The following HAPLN1 variants were observed in gnomAD, a reference collection of about 807,000 sequenced individuals.
The protein encoded by HAPLN1 is Cartilage link protein.
A neutral mutation model predicts 36.5 loss-of-function variants in HAPLN1; 13 were observed. The observed-to-expected ratio is 0.36, with a 90% CI of 0.23 to 0.57. The LOEUF (loss-of-function observed/expected upper bound fraction) is 0.57. Among genes scored for constraint, HAPLN1 ranks in the 20% least tolerant of loss-of-function variants. The probability of loss-of-function intolerance (pLI) is 0.83; values close to 1 mark genes in which losing one functional copy is unlikely to be tolerated. For synonymous variants in HAPLN1, 202 were observed against 169.8 expected (o/e 1.19, Z -1.48); for missense variants, 407 against 439.7 (o/e 0.93, Z 0.66).
At chr5:83,682,994 G>A (rs539368309) in intron 1 of HAPLN1, among the ~76,000 whole-genome samples, 5 of 152,220 alleles carry the variant, frequency 3.3e-5, no homozygotes, top group East Asian at 1.9e-4. Flanking sequence ...AACTACTGCT[G>A]TAGACTTCAA....
intron 2 of HAPLN1, among the ~76,000 whole-genome samples, chr5:83,671,655 A>C (rs1750726829): frequency 6.6e-6 from 1 of 152,222 alleles, no homozygotes; most frequent in Non-Finnish European, 1.5e-5. Context: ...CTATCACAAA[A>C]AAATTGTTGG....
At chr5:83,651,693 C>T (rs1338757892) in intron 3 of HAPLN1, among the ~76,000 whole-genome samples, 1 of 130,518 alleles carries the variant, frequency 7.7e-6, no homozygotes. Flanking sequence ...CCAAAATCCA[C>T]CCTTCAGTAT....
chr5:83,697,301 C>T (rs954721975), intron 1 of HAPLN1, among the ~76,000 whole-genome samples: 8 of 152,022 alleles, frequency 5.3e-5, no homozygotes, highest in African/African-American at 1.9e-4. Flanking sequence ...ATTTGTGGTC[C>T]TTTTATGCCT....
Position 83,639,797 on chromosome 5 carries a change from G to A in HAPLN1, c.*1699C>T, listed in dbSNP as rs1326239489. The A allele has an allele frequency of 2.6e-5, 4 of 151,976 alleles. No homozygotes were observed. Among genetic ancestry groups the A allele is most frequent in the African/African-American group, 4.8e-5 (2 of 41,398 alleles). 9.4% of individuals were successfully genotyped at this position (151,976 alleles called of 1,614,324 possible). ...AACATTGTCATCTTTTAATATTAAAGCATCTGAAAATTTTCAGATATGTTT... is the reference window on the plus strand; with the variant it reads ...AACATTGTCATCTTTTAATATTAAAACATCTGAAAATTTTCAGATATGTTT... On this transcript the variant is annotated 3_prime_UTR_variant, in exon 5 of 5. Coordinates refer to ENST00000274341, the MANE Select transcript of HAPLN1 (RefSeq NM_001884.4).
chr5:83,645,771 C>T (rs1320437362), intron 3 of HAPLN1, among the ~76,000 whole-genome samples: 3 of 151,884 alleles, frequency 2.0e-5, no homozygotes, highest in Non-Finnish European at 4.4e-5. Context: ...AATAGCAGGA[C>T]TAAAACAAGG....
chr5:83,714,389 A>G (rs1751870722), intron 1 of HAPLN1, among the ~76,000 whole-genome samples: 1 of 152,224 alleles, frequency 6.6e-6, no homozygotes, highest in Non-Finnish European at 1.5e-5. Flanking sequence ...AATTAATGAA[A>G]TACTTAATAA....
intron 2 of HAPLN1, among the ~76,000 whole-genome samples, chr5:83,658,907 A>G (rs1750301170): frequency 6.6e-6 from 1 of 152,162 alleles, no homozygotes. Flanking sequence ...AGTCTCTAGA[A>G]AGGAAGACGG....
At chr5:83,645,359 C>T (rs1749827537) in intron 3 of HAPLN1, among the ~76,000 whole-genome samples, 1 of 152,070 alleles carries the variant, frequency 6.6e-6, no homozygotes, top group Non-Finnish European at 1.5e-5. Flanking sequence ...TTGTCCAACC[C>T]ATGGCCCATG....
At chr5:83,696,037 CA>C (rs2112624628) in intron 1 of HAPLN1, among the ~76,000 whole-genome samples, 1 of 152,000 alleles carries the variant, frequency 6.6e-6, no homozygotes, top group African/African-American at 2.4e-5. Context: ...AAAAAGTCTA[CA>C]AAAAAGCTAC....
intron 1 of HAPLN1, among the ~76,000 whole-genome samples, chr5:83,716,531 A>G (rs1204257698): frequency 6.6e-6 from 1 of 152,224 alleles, no homozygotes; most frequent in African/African-American, 2.4e-5. Flanking sequence ...GCTATCTCTG[A>G]GACACATAGC....
intron 2 of HAPLN1, among the ~76,000 whole-genome samples, chr5:83,666,559 G>C (rs1750555677): frequency 6.6e-6 from 1 of 151,994 alleles, no homozygotes; most frequent in Non-Finnish European, 1.5e-5. Context: ...TGTTTTAATA[G>C]TTCACAGAAT....
intron 3 of HAPLN1, among the ~76,000 whole-genome samples, chr5:83,647,298 A>G (rs1055956741): frequency 1.3e-5 from 2 of 152,198 alleles, no homozygotes; most frequent in Admixed American, 6.5e-5. Flanking sequence ...AGAATTGTCA[A>G]CTAAGTGTTG....
chr5:83,688,901 A>G (rs185805643), intron 1 of HAPLN1, among the ~76,000 whole-genome samples: 38 of 152,122 alleles, frequency 2.5e-4, no homozygotes, highest in Admixed American at 1.7e-3. Flanking sequence ...GTCAATATGC[A>G]TTTGTCAACA....
At chr5:83,657,630 GCC>G in intron 2 of HAPLN1, among the ~76,000 whole-genome samples, 1 of 151,942 alleles carries the variant, frequency 6.6e-6, no homozygotes, top group African/African-American at 2.4e-5. Flanking sequence ...TGAAAGTGAA[GCC>G]CTTGGGAACC....
intron 1 of HAPLN1, among the ~76,000 whole-genome samples, chr5:83,693,273 G>C (rs1751320687): frequency 1.3e-5 from 2 of 151,786 alleles, no homozygotes. Context: ...AAAATAGACT[G>C]TGAAAAGTTA....
chr5:83,650,501 A>C (rs190602270), intron 3 of HAPLN1, among the ~76,000 whole-genome samples: 1 of 152,198 alleles, frequency 6.6e-6, no homozygotes, highest in African/African-American at 2.4e-5. Flanking sequence ...ATATGTATCA[A>C]TTAAATTGGT....
intron 2 of HAPLN1, among the ~76,000 whole-genome samples, chr5:83,662,558 A>ACATTCTCTT (rs1750434121): frequency 6.6e-6 from 1 of 152,234 alleles, no homozygotes; most frequent in African/African-American, 2.4e-5. Flanking sequence ...AATGAAATAA[A>ACATTCTCTT]ATTAGAATAT....
intron 1 of HAPLN1, among the ~76,000 whole-genome samples, chr5:83,676,963 C>G (rs1750875726): frequency 6.6e-6 from 1 of 152,188 alleles, no homozygotes. Flanking sequence ...GATTTGGAAG[C>G]AATATACCTT....
chr5:83,688,551 T>C (rs998764226), intron 1 of HAPLN1, among the ~76,000 whole-genome samples: 1 of 151,474 alleles, frequency 6.6e-6, no homozygotes, highest in African/African-American at 2.4e-5. Context: ...TAAATGCACA[T>C]GAAAAGCAAA....
Sources: gnomAD v4.1 joint callset for allele counts (sites outside exome capture counted in the v4.1 genomes callset) on GRCh38, gnomAD v4.1.1 for gene constraint, MANE v1.5 for transcripts, NCBI Gene and HGNC (gene_info 2026-07-23, HGNC 2026-07-21) for gene names.